The following COBL variants were observed in gnomAD, a reference collection of about 807,000 sequenced individuals.
COBL encodes the protein cordon-bleu WH2 repeat protein.
Under a neutral mutation model 98.8 loss-of-function variants are expected in COBL, and 51 were observed. The ratio of observed to expected loss-of-function variants is 0.52; its 90% CI spans 0.41 to 0.65. The LOEUF is 0.65. COBL is among the 30% of genes least tolerant of loss of function. The pLI is 0.00. For missense variants in COBL, 1,617 were observed against 1,617.5 expected (o/e 1.00, Z 0.01); for synonymous variants, 634 against 651.7 (o/e 0.97, Z 0.41).
chr7:51,207,329 A>T (rs572798761), intron 2 of COBL, among the ~76,000 whole-genome samples: 1 of 152,060 alleles, frequency 6.6e-6, no homozygotes, highest in African/African-American at 2.4e-5. Context: ...CCTAGTGGGT[A>T]CAATGTGTTA....
chr7:51,083,362 C>T (rs1314137485), intron 7 of COBL: 1 of 607,226 alleles, frequency 1.6e-6, no homozygotes, highest in Non-Finnish European at 2.8e-6. Context: ...AACACCAGAT[C>T]CAGTCATATC....
chr7:51,108,517 T>C (rs1359057391), intron 6 of COBL, among the ~76,000 whole-genome samples: 4 of 152,200 alleles, frequency 2.6e-5, no homozygotes, highest in Admixed American at 1.3e-4. Flanking sequence ...TGACCAGCTA[T>C]TGAAGTCGCT....
At chr7:51,294,803 G>C (rs1255925476) in intron 1 of COBL, among the ~76,000 whole-genome samples, 1 of 151,960 alleles carries the variant, frequency 6.6e-6, no homozygotes, top group Non-Finnish European at 1.5e-5. Flanking sequence ...CATTGTCCTT[G>C]TACATGGTCT....
chr7:51,046,239 G>A (rs1033453233), intron 7 of COBL, among the ~76,000 whole-genome samples: 7 of 152,150 alleles, frequency 4.6e-5, no homozygotes, highest in African/African-American at 1.7e-4. Context: ...AGTGATGCCG[G>A]CACCTGCTCG....
At chr7:51,058,423 C>T (rs1447548859) in intron 7 of COBL, among the ~76,000 whole-genome samples, 3 of 152,094 alleles carry the variant, frequency 2.0e-5, no homozygotes, top group African/African-American at 4.8e-5. Context: ...CATGGTAGAG[C>T]GTTCTTGTAG....
chr7:51,215,338 A>G (rs1201739150), intron 2 of COBL, among the ~76,000 whole-genome samples: 1 of 152,250 alleles, frequency 6.6e-6, no homozygotes, highest in Non-Finnish European at 1.5e-5. Context: ...TGTTGATAGC[A>G]TTCTGCAAAT....
intron 6 of COBL, among the ~76,000 whole-genome samples, chr7:51,122,279 C>T (rs11981699): frequency 0.015 from 2,305 of 152,298 alleles, 37 homozygotes; most frequent in Middle Eastern, 0.044. Flanking sequence ...GTTAGCTGCC[C>T]GGCTATTTCC....
intron 1 of COBL, among the ~76,000 whole-genome samples, chr7:51,222,612 A>G (rs554342058): frequency 6.6e-6 from 1 of 152,236 alleles, no homozygotes; most frequent in East Asian, 1.9e-4. Context: ...AAAAATCAAG[A>G]CAGAGAGAAA....
intron 1 of COBL, among the ~76,000 whole-genome samples, chr7:51,239,258 G>A (rs73328601): frequency 0.026 from 3,962 of 152,124 alleles, 186 homozygotes; most frequent in African/African-American, 0.091. Context: ...AATACAAGTC[G>A]TAAAGACCTT....
intron 1 of COBL, among the ~76,000 whole-genome samples, chr7:51,307,026 G>A (rs377695154): frequency 6.6e-6 from 1 of 152,194 alleles, no homozygotes; most frequent in Non-Finnish European, 1.5e-5. Flanking sequence ...AGACGTCAGA[G>A]TCACATGGCA....
chr7:51,209,353 G>A (rs1465156487), intron 2 of COBL, among the ~76,000 whole-genome samples: 1 of 152,216 alleles, frequency 6.6e-6, no homozygotes, highest in Non-Finnish European at 1.5e-5. Context: ...GTGCCAGTAA[G>A]GAAGATACTA....
chr7:51,066,618 T>C (rs955851940), intron 7 of COBL, among the ~76,000 whole-genome samples: 2 of 152,284 alleles, frequency 1.3e-5, no homozygotes, highest in South Asian at 4.2e-4. Context: ...GGCTGTGGTA[T>C]AGATTTAAGG....
At chr7:51,086,823 C>T (rs1006390981) in intron 6 of COBL, among the ~76,000 whole-genome samples, 2 of 151,542 alleles carry the variant, frequency 1.3e-5, no homozygotes, top group African/African-American at 2.4e-5. Flanking sequence ...TTTTTCTTTC[C>T]TTCTGTTATA....
At chr7:51,314,765 G>C (rs984447879) in intron 1 of COBL, among the ~76,000 whole-genome samples, 2 of 152,128 alleles carry the variant, frequency 1.3e-5, no homozygotes, top group Admixed American at 6.5e-5. Context: ...TATGAGTGAG[G>C]GAAAGAACTG....
At chr7:51,183,674 C>G (rs1335868508) in intron 5 of COBL, among the ~76,000 whole-genome samples, 1 of 152,264 alleles carries the variant, frequency 6.6e-6, no homozygotes, top group Non-Finnish European at 1.5e-5. Flanking sequence ...TGATACTCTT[C>G]TCTGCCACGA....
chr7:51,138,611 T>C (rs1164791846), intron 5 of COBL, among the ~76,000 whole-genome samples: 1 of 152,238 alleles, frequency 6.6e-6, no homozygotes, highest in African/African-American at 2.4e-5. Flanking sequence ...CACACTGTTC[T>C]GTTTCCTCAT....
intron 1 of COBL, among the ~76,000 whole-genome samples, chr7:51,304,183 G>A (rs1431548527): frequency 4.6e-5 from 7 of 152,122 alleles, no homozygotes; most frequent in Non-Finnish European, 4.4e-5. Context: ...TCGTGGTCTC[G>A]CCCTCACAAC....
intron 1 of COBL, among the ~76,000 whole-genome samples, chr7:51,316,006 G>A (rs1229056537): frequency 6.6e-6 from 1 of 152,232 alleles, no homozygotes; most frequent in Non-Finnish European, 1.5e-5. Context: ...TAAAGGCAGG[G>A]AGGGAGAGCT....
Position 51,219,802 on chromosome 7 carries a change from T to A in COBL, c.184A>T (p.Thr62Ser). 1 of 1,614,168 alleles carries A rather than the reference T, an allele frequency of 6.2e-7. No individual in the cohort carries two copies. Among genetic ancestry groups the A allele is most frequent in the East Asian group, 2.2e-5 (1 of 44,860 alleles). Residue 62 changes from threonine (T) to serine (S), a missense_variant, in exon 2 of 13, where the codon ACC becomes TCC. Physicochemically the swap from Thr to Ser is moderately conservative, Grantham distance 58. Transcript: ENST00000265136. ...GGCAGGACCACGGTGACGTCCATGGTGCTGGCCCTCAGCGCCTCCTTCATG... is the reference window on the plus strand; with the variant it reads ...GGCAGGACCACGGTGACGTCCATGGAGCTGGCCCTCAGCGCCTCCTTCATG... ...VRMKEALRAS[T>S]MDVTVVLPSG... is the part of the protein sequence containing the mutation.
Sources: allele counts gnomAD v4.1 joint callset (sites outside exome capture counted in the v4.1 genomes callset), GRCh38; gene constraint gnomAD v4.1.1; transcripts MANE v1.5; gene names NCBI Gene and HGNC (gene_info 2026-07-23, HGNC 2026-07-21).